Variants in PDZD8 observed in about 807,000 individuals in gnomAD.
The protein encoded by PDZD8 is PDZ domain containing 8.
In PDZD8, 14 loss-of-function variants were observed where a neutral mutation model predicts 85.8. The ratio of observed to expected loss-of-function variants is 0.16; its 90% CI spans 0.11 to 0.26. The LOEUF (loss-of-function observed/expected upper bound fraction) is 0.26, where lower values mean the gene tolerates loss of function less well. Among genes scored for constraint, PDZD8 ranks in the 10% least tolerant of loss-of-function variants. PDZD8 has a pLI of 1.00. For synonymous variants in PDZD8, 592 were observed against 568.6 expected (o/e 1.04, Z -0.59); for missense variants, 1,197 against 1,424.3 (o/e 0.84, Z 2.57).
chr10:117,318,201 G>C (rs1479312368), intron 3 of PDZD8, among the ~76,000 whole-genome samples: 1 of 152,144 alleles, frequency 6.6e-6, no homozygotes, highest in Non-Finnish European at 1.5e-5. Context: ...CCTCTGGTAA[G>C]CCTGCTCCAG....
intron 1 of PDZD8, among the ~76,000 whole-genome samples, chr10:117,369,753 C>T (rs1845157457): frequency 6.6e-6 from 1 of 152,184 alleles, no homozygotes; most frequent in South Asian, 2.1e-4. Context: ...TACAGTCCAT[C>T]TCTCCATCCT....
intron 1 of PDZD8, among the ~76,000 whole-genome samples, chr10:117,373,791 C>CA (rs956958351): frequency 8.7e-5 from 12 of 138,616 alleles, no homozygotes; most frequent in South Asian, 2.3e-4. Context: ...AAAACAAAAA[C>CA]AAAAAAAACC....
At chr10:117,298,650 T>G (rs1036993108) in intron 3 of PDZD8, among the ~76,000 whole-genome samples, 1 of 152,242 alleles carries the variant, frequency 6.6e-6, no homozygotes, top group South Asian at 2.1e-4. Flanking sequence ...CTTTCTCTCC[T>G]CCTTATACTT....
chr10:117,279,118 T>C lies in PDZD8; in HGVS notation c.*4150A>G, dbSNP rs1844542099. ...CCCTCGGGATAAGATAAAATATAAA[T>C]AAAACCTTCAGAACTGTTTTGGAGC... On this transcript the variant is annotated 3_prime_UTR_variant, in exon 5 of 5. Transcript: ENST00000334464. 6.6e-6 allele frequency: 1 copy of C among 152,194 alleles called. No individual in the cohort carries two copies. Among genetic ancestry groups the C allele is most frequent in the South Asian group, 2.1e-4 (1 of 4,830 alleles). The allele number at this position is 152,194 out of a possible 1,614,324, so 9.4% of individuals were successfully genotyped here.
At chr10:117,290,535 T>A (rs546896568) in intron 3 of PDZD8, among the ~76,000 whole-genome samples, 187 bp from the exon 4 acceptor site, 5 of 152,270 alleles carry the variant, frequency 3.3e-5, no homozygotes, top group African/African-American at 4.8e-5. Flanking sequence ...GGCTACACAT[T>A]TAAATCATCA....
rs535243327 is a variant in PDZD8 at position 117,339,493 on chromosome 10, G to A, written c.995+1487C>T. 2.8e-4 allele frequency among the ~76,000 whole-genome samples: 43 copies of A among 152,270 alleles called. 1 individual carries two copies. The South Asian group carries it at 6.0e-3, about 21-fold the overall frequency. On this transcript the variant is annotated intron_variant, in intron 2 of 4. Coordinates refer to ENST00000334464, the MANE Select transcript of PDZD8 (RefSeq NM_173791.5). Reference sequence around the variant, plus strand: ...CTTTAAAATATTTAAGTAGGGAATGGCAAACTACAGCTTATGGTCTAAATT... The same window carrying A: ...CTTTAAAATATTTAAGTAGGGAATGACAAACTACAGCTTATGGTCTAAATT...
chr10:117,371,292 T>A (rs1564716426), intron 1 of PDZD8, among the ~76,000 whole-genome samples: 1 of 152,106 alleles, frequency 6.6e-6, no homozygotes, highest in African/African-American at 2.4e-5. Context: ...ACAAGCCATT[T>A]TCCTGCCTCA....
chr10:117,305,733 C>T (rs568216734), intron 3 of PDZD8, among the ~76,000 whole-genome samples: 26 of 152,190 alleles, frequency 1.7e-4, no homozygotes, highest in South Asian at 8.3e-4. Flanking sequence ...ACTTGTATAA[C>T]GCCTAAATTT....
intron 3 of PDZD8, among the ~76,000 whole-genome samples, chr10:117,316,770 G>A (rs759598260): frequency 5.9e-5 from 9 of 152,142 alleles, no homozygotes; most frequent in South Asian, 2.1e-4. Context: ...TCATAACTCC[G>A]TTTCTCCCTT....
rs1182115243 is a variant in PDZD8, at chr10:117,280,922, C to T, written c.*2346G>A. The T allele has an allele frequency of 6.6e-6, 1 of 152,216 alleles. No homozygotes were observed. The highest frequency in any genetic ancestry group is 1.5e-5 in the Non-Finnish European group (1 of 68,038). The allele number at this position is 152,216 out of a possible 1,614,324, so 9.4% of individuals were successfully genotyped here. A position where few individuals can be genotyped will look rare whatever the true frequency, so the allele number is the denominator to read the frequency against. On this transcript the variant is annotated 3_prime_UTR_variant, in exon 5 of 5. Coordinates refer to ENST00000334464, the MANE Select transcript of PDZD8 (RefSeq NM_173791.5). ...TTAATCAATAAACACCAGCTACTTA[C>T]AAGTAGTCCACCTTCCAGGTTATCA...
chr10:117,354,183 C>T (rs1222597915), intron 1 of PDZD8, among the ~76,000 whole-genome samples: 2 of 152,080 alleles, frequency 1.3e-5, no homozygotes, highest in Admixed American at 6.5e-5. Context: ...TCATTGATTG[C>T]GGAGAATGTT....
chr10:117,371,698 GC>G (rs1310333655), intron 1 of PDZD8, among the ~76,000 whole-genome samples: 1 of 152,178 alleles, frequency 6.6e-6, no homozygotes, highest in Non-Finnish European at 1.5e-5. Context: ...ACTTTGGGAG[GC>G]TGAGGTGGGA....
In PDZD8 at chr10:117,375,416, T is replaced by G; in HGVS notation, c.-189A>C. ...CGAGCCCGCAGCGGCCCGCGCCTCC[T>G]CAGACGCTCCCGAAGGGCCGGTGTG... On this transcript the variant is annotated 5_prime_UTR_variant, in exon 1 of 5. Transcript: ENST00000334464. 1 of 293,046 alleles carries G rather than the reference T, an allele frequency of 3.4e-6. No individual in the cohort carries two copies. Among genetic ancestry groups the G allele is most frequent in the East Asian group, 6.0e-5 (1 of 16,572 alleles). The allele number at this position is 293,046 out of a possible 1,614,324, so 18.2% of individuals were successfully genotyped here.
intron 3 of PDZD8, among the ~76,000 whole-genome samples, chr10:117,305,483 C>T (rs1354177337): frequency 4.7e-4 from 19 of 40,840 alleles, no homozygotes; most frequent in African/African-American, 1.2e-3. Context: ...CACACACACA[C>T]ACACACACAC....
chr10:117,339,452 C>T (rs1318756795), intron 2 of PDZD8, among the ~76,000 whole-genome samples: 2 of 152,178 alleles, frequency 1.3e-5, no homozygotes, highest in Non-Finnish European at 2.9e-5. Context: ...AGCTAGTCAA[C>T]ACAATGGGCT....
chr10:117,314,694 T>G (rs1844092924), intron 3 of PDZD8, among the ~76,000 whole-genome samples: 1 of 152,206 alleles, frequency 6.6e-6, no homozygotes, highest in African/African-American at 2.4e-5. Context: ...AACAAATGAT[T>G]GTTCTCTCTT....
intron 3 of PDZD8, among the ~76,000 whole-genome samples, chr10:117,308,274 A>G (rs978247754): frequency 5.9e-5 from 9 of 152,156 alleles, no homozygotes; most frequent in African/African-American, 1.9e-4. Flanking sequence ...AACAACAACA[A>G]TACCACTATC....
intron 1 of PDZD8, among the ~76,000 whole-genome samples, chr10:117,344,942 C>A (rs1010675038): frequency 6.6e-6 from 1 of 152,108 alleles, no homozygotes; most frequent in East Asian, 1.9e-4. Flanking sequence ...TGCCCTGGCT[C>A]ATGAGGAAGT....
chr10:117,330,838 T>A (rs575698799), intron 2 of PDZD8, among the ~76,000 whole-genome samples: 32 of 152,234 alleles, frequency 2.1e-4, no homozygotes, highest in Non-Finnish European at 2.6e-4. Context: ...CCCTGAGACA[T>A]CTACACTTCA....
Sources: allele counts gnomAD v4.1 joint callset (sites outside exome capture counted in the v4.1 genomes callset), GRCh38; gene constraint gnomAD v4.1.1; transcripts MANE v1.5; gene names NCBI Gene and HGNC (gene_info 2026-07-23, HGNC 2026-07-21).